Variants in DDR2 observed in about 807,000 individuals in gnomAD.
DDR2 encodes the protein discoidin domain receptor tyrosine kinase 2.
In DDR2, 27 loss-of-function variants were observed where a neutral mutation model predicts 94.9. The ratio of observed to expected loss-of-function variants is 0.28; its 90% CI spans 0.21 to 0.39. The LOEUF (loss-of-function observed/expected upper bound fraction) is 0.39. Among genes scored for constraint, DDR2 ranks in the 10% least tolerant of loss-of-function variants. DDR2 has a pLI of 1.00. For synonymous variants in DDR2, 382 were observed against 377.2 expected (o/e 1.01, Z -0.15); for missense variants, 783 against 1,076.0 (o/e 0.73, Z 3.81).
chr1:162,650,167 A>T (rs189747740), intron 1 of DDR2, among the ~76,000 whole-genome samples: 1 of 152,232 alleles, frequency 6.6e-6, no homozygotes, highest in African/African-American at 2.4e-5. Flanking sequence ...TCTAAGACCA[A>T]CCCTTCTCTT....
At chr1:162,658,490 G>A (rs922624829) in intron 2 of DDR2, among the ~76,000 whole-genome samples, 2 of 152,030 alleles carry the variant, frequency 1.3e-5, no homozygotes, top group African/African-American at 4.8e-5. Flanking sequence ...AGCTGCTGTG[G>A]ATGTCCCTCC....
intron 2 of DDR2, among the ~76,000 whole-genome samples, chr1:162,672,555 T>C (rs560772112): frequency 6.6e-6 from 1 of 152,200 alleles, no homozygotes; most frequent in Non-Finnish European, 1.5e-5. Context: ...TGCATATTTA[T>C]ACTAAACTAA....
intron 3 of DDR2, among the ~76,000 whole-genome samples, chr1:162,734,114 A>T (rs978971451): frequency 3.3e-5 from 5 of 152,218 alleles, no homozygotes; most frequent in African/African-American, 1.2e-4. Flanking sequence ...CACAGCAAAA[A>T]CTTATTTATT....
At chr1:162,666,055 G>T (rs1271438884) in intron 2 of DDR2, among the ~76,000 whole-genome samples, 1 of 152,102 alleles carries the variant, frequency 6.6e-6, no homozygotes, top group Non-Finnish European at 1.5e-5. Flanking sequence ...AACCATGAAG[G>T]AAGGAGGTTG....
chr1:162,687,869 G>C (rs1225373073), intron 2 of DDR2, among the ~76,000 whole-genome samples: 1 of 152,154 alleles, frequency 6.6e-6, no homozygotes, highest in Non-Finnish European at 1.5e-5. Context: ...GGGTCACGAG[G>C]TGGATCGTTC....
chr1:162,771,266 G>C (rs768271328), intron 12 of DDR2, among the ~76,000 whole-genome samples: 2 of 152,184 alleles, frequency 1.3e-5, no homozygotes, highest in African/African-American at 2.4e-5. Context: ...TGAGGGACCC[G>C]AGTCAGTAGA....
chr1:162,642,285 T>A (rs1657175231), intron 1 of DDR2, among the ~76,000 whole-genome samples: 1 of 148,294 alleles, frequency 6.7e-6, no homozygotes, highest in Non-Finnish European at 1.5e-5. Context: ...ATCTATCTAT[T>A]TTTTGAGGTG....
In DDR2 at chr1:162,674,751, G is replaced by A. The variant is rs577061087; in HGVS notation, c.-28+19377G>A. Among the ~76,000 whole-genome samples, 7 of 152,298 alleles carry A rather than the reference G, an allele frequency of 4.6e-5. No homozygotes were observed. The South Asian group carries it at 1.4e-3, about 32-fold the overall frequency. Reference sequence around the variant, plus strand: ...ATCAACTGGTGCAGAGCACTATACAGAGATTATTTATTGTTTGCTACAATG... The same window carrying A: ...ATCAACTGGTGCAGAGCACTATACAAAGATTATTTATTGTTTGCTACAATG... On this transcript the variant is annotated intron_variant, in intron 2 of 17. Transcript: ENST00000367921.
intron 7 of DDR2, among the ~76,000 whole-genome samples, chr1:162,759,135 G>A (rs1471555971): frequency 6.6e-6 from 1 of 152,012 alleles, no homozygotes; most frequent in Admixed American, 6.5e-5. Context: ...TACTTCCTGG[G>A]TCTAGTATCC....
rs1361641225 is a variant in DDR2, at chr1:162,780,130, G to A, written c.2452G>A (p.Ala818Thr). Residue 818 changes from alanine (A) to threonine (T), a missense_variant, in exon 18 of 18, where the codon GCC (alanine) becomes ACC (threonine). This residue lies in a region of DDR2 where 264 missense variants were observed against 428.2 expected (regional missense o/e 0.62). Coordinates refer to ENST00000367921, the MANE Select transcript of DDR2 (RefSeq NM_006182.4). ...QGRQTYLPQPAICPDSVYKLM... is the reference protein window; with the variant it reads ...QGRQTYLPQPTICPDSVYKLM... The stretch of plus-strand genomic sequence containing the variant: ...CCCAAAGACTTACCTCCCTCAACCA[G>A]CCATTTGTCCTGACTCTGTGTATAA... The A allele has an allele frequency of 5.0e-6, 8 of 1,613,660 alleles. No homozygotes were observed. Among genetic ancestry groups the A allele is most frequent in the Non-Finnish European group, 6.8e-6 (8 of 1,179,830 alleles).
At chr1:162,662,244 A>C (rs898423514) in intron 2 of DDR2, among the ~76,000 whole-genome samples, 2 of 152,212 alleles carry the variant, frequency 1.3e-5, no homozygotes, top group South Asian at 2.1e-4. Flanking sequence ...CACTCAGTGA[A>C]TATCCATTGA....
chr1:162,679,756 C>G (rs1659311629), intron 2 of DDR2, among the ~76,000 whole-genome samples: 1 of 128,766 alleles, frequency 7.8e-6, no homozygotes, highest in Non-Finnish European at 1.8e-5. Context: ...TGCACTCCCA[C>G]CAGCAGATTA....
At chr1:162,755,004 AG>A in intron 5 of DDR2, 149 bp downstream of exon 5, 1 of 1,417,380 alleles carries the variant, frequency 7.1e-7, no homozygotes, top group Non-Finnish European at 9.8e-7. Flanking sequence ...TGAGGGAGGC[AG>A]GGAAGGAATA....
At chr1:162,644,142 A>T (rs1027082677) in intron 1 of DDR2, among the ~76,000 whole-genome samples, 3 of 152,236 alleles carry the variant, frequency 2.0e-5, no homozygotes, top group Non-Finnish European at 2.9e-5. Context: ...AAGTAGTCTT[A>T]ATGAGACAAA....
At position 162,744,570 on chromosome 1, in the gene DDR2, G is replaced by A. The variant is rs551465855; in HGVS notation, c.83-8525G>A. On this transcript the variant is annotated intron_variant, in intron 3 of 17. Transcript: ENST00000367921. ...CTGGGGTACATGTGCATAATGTGCA[G>A]GTTTGTTACATAGGTATACACGTGC... 3.3e-5 allele frequency among the ~76,000 whole-genome samples: 5 copies of A among 152,020 alleles called. No individual in the cohort carries two copies. The East Asian group carries it at 9.7e-4, about 29-fold the overall frequency.
chr1:162,766,503 A>T (rs1366056737), intron 10 of DDR2, among the ~76,000 whole-genome samples: 1 of 152,188 alleles, frequency 6.6e-6, no homozygotes, highest in Non-Finnish European at 1.5e-5. Flanking sequence ...AACATGTGGG[A>T]TTGAATGTGT....
chr1:162,772,286 G>GT (rs761078566), intron 13 of DDR2, 39 bp downstream of exon 13: 1 of 1,601,288 alleles, frequency 6.2e-7, no homozygotes, highest in Non-Finnish European at 8.5e-7. Context: ...CTCGAAGAAG[G>GT]TGGTTGGATA....
intron 2 of DDR2, among the ~76,000 whole-genome samples, chr1:162,680,893 T>G (rs2101956676): frequency 6.6e-6 from 1 of 152,340 alleles, no homozygotes; most frequent in African/African-American, 2.4e-5. Flanking sequence ...CTAAGAAGAC[T>G]TAATTTCAGT....
intron 2 of DDR2, among the ~76,000 whole-genome samples, chr1:162,698,043 A>T (rs1217432521): frequency 1.3e-5 from 2 of 152,208 alleles, no homozygotes; most frequent in East Asian, 3.9e-4. Context: ...CCTCAACAAG[A>T]CTGAGAAGAG....
Sources: allele counts gnomAD v4.1 joint callset (sites outside exome capture counted in the v4.1 genomes callset), GRCh38; gene constraint gnomAD v4.1.1; regional missense constraint gnomAD v4.1.1; transcripts MANE v1.5; gene names NCBI Gene and HGNC (gene_info 2026-07-23, HGNC 2026-07-21).